The following PIP5K1B variants were observed in gnomAD, a reference collection of about 807,000 sequenced individuals.
The protein encoded by PIP5K1B is phosphatidylinositol 4-phosphate 5-kinase type-1 beta.
In PIP5K1B, 42 loss-of-function variants were observed where a neutral mutation model predicts 67.0. The observed-to-expected ratio is 0.63, with a 90% CI of 0.49 to 0.81. The LOEUF (loss-of-function observed/expected upper bound fraction) is 0.81, where lower values mean the gene tolerates loss of function less well. Ranked by LOEUF, PIP5K1B falls within the 30% of genes least tolerant of loss-of-function variation. PIP5K1B has a pLI of 0.00. For synonymous variants in PIP5K1B, 214 were observed against 231.4 expected (o/e 0.92, Z 0.68); for missense variants, 459 against 646.3 (o/e 0.71, Z 3.14).
intron 1 of PIP5K1B, among the ~76,000 whole-genome samples, chr9:68,730,231 A>G (rs1248154110): frequency 6.6e-6 from 1 of 152,234 alleles, no homozygotes; most frequent in Non-Finnish European, 1.5e-5. Context: ...TTGGCTGCAT[A>G]TGAATATGGC....
At chr9:68,851,605 C>T (rs1822485863) in intron 4 of PIP5K1B, among the ~76,000 whole-genome samples, 1 of 152,040 alleles carries the variant, frequency 6.6e-6, no homozygotes. Context: ...TGTGTAGAGG[C>T]ATGATTGGTA....
rs889490087 is a variant in PIP5K1B, at chr9:68,965,959, G to A, written c.1502+25169G>A. Among the ~76,000 whole-genome samples, 8 of 139,730 alleles carry A rather than the reference G, an allele frequency of 5.7e-5. No individual in the cohort carries two copies. In the Admixed American group the frequency reaches 5.8e-4, roughly 10 times the overall value. 91.7% of individuals were successfully genotyped at this position (139,730 alleles called of 152,430 possible). A position where few individuals can be genotyped will look rare whatever the true frequency, so the allele number is the denominator to read the frequency against. The stretch of plus-strand genomic sequence containing the variant: ...ACTGCACTCCAACCTGGGTGACAGA[G>A]TGAGACTCCATCTCAAAAAAAAAAA... On this transcript the variant is annotated intron_variant, in intron 14 of 15. Transcript: ENST00000265382.
intron 3 of PIP5K1B, among the ~76,000 whole-genome samples, chr9:68,820,718 T>C (rs1833691449): frequency 6.6e-6 from 1 of 152,186 alleles, no homozygotes; most frequent in African/African-American, 2.4e-5. Context: ...CAGTTTAAGG[T>C]AAGACCCTTA....
chr9:68,818,669 CTG>C, intron 3 of PIP5K1B, 124 bp downstream of exon 3: 1 of 152,042 alleles, frequency 6.6e-6, no homozygotes, highest in Non-Finnish European at 1.5e-5. Context: ...ACCTTTAACT[CTG>C]ACATCAAATT....
intron 4 of PIP5K1B, among the ~76,000 whole-genome samples, chr9:68,824,721 C>T (rs11143882): frequency 0.094 from 14,354 of 152,156 alleles, 853 homozygotes; most frequent in Non-Finnish European, 0.14. Flanking sequence ...GAAGGAATCG[C>T]TTAGAGAGAG....
chr9:68,790,040 G>A (rs1057307901), intron 2 of PIP5K1B, among the ~76,000 whole-genome samples: 2 of 151,852 alleles, frequency 1.3e-5, no homozygotes, highest in Non-Finnish European at 2.9e-5. Flanking sequence ...CATTCCTAGG[G>A]AAACAAAGAC....
chr9:68,921,882 A>G (rs1434878133), intron 11 of PIP5K1B, among the ~76,000 whole-genome samples: 1 of 152,128 alleles, frequency 6.6e-6, no homozygotes, highest in East Asian at 1.9e-4. Flanking sequence ...TAAAAAATAT[A>G]CCTATCATCT....
At chr9:68,714,250 C>CT (rs1827529247) in intron 1 of PIP5K1B, among the ~76,000 whole-genome samples, 1 of 152,194 alleles carries the variant, frequency 6.6e-6, no homozygotes, top group East Asian at 1.9e-4. Context: ...ATCTGATACT[C>CT]CTGCAAGGTT....
At chr9:68,731,855 G>A (rs1421364742) in intron 1 of PIP5K1B, among the ~76,000 whole-genome samples, 5 of 152,160 alleles carry the variant, frequency 3.3e-5, no homozygotes, top group Non-Finnish European at 7.4e-5. Flanking sequence ...ATAAAATGTT[G>A]TAATTATACT....
chr9:68,724,404 A>G (rs528242948), intron 1 of PIP5K1B, among the ~76,000 whole-genome samples: 1 of 151,380 alleles, frequency 6.6e-6, no homozygotes, highest in South Asian at 2.1e-4. Flanking sequence ...AGATTTTAGG[A>G]TTGTTTTTTC....
At chr9:68,890,648 A>G (rs1181633777) in intron 7 of PIP5K1B, among the ~76,000 whole-genome samples, 3 of 152,044 alleles carry the variant, frequency 2.0e-5, no homozygotes, top group Non-Finnish European at 2.9e-5. Flanking sequence ...AAATATTTCA[A>G]TACTGAGCAA....
chr9:68,779,971 G>A, intron 2 of PIP5K1B: 1 of 644,036 alleles, frequency 1.6e-6, no homozygotes, highest in Non-Finnish European at 2.4e-6. Context: ...CCACTGCCGC[G>A]CACATATTAC....
rs184086220 is a variant in PIP5K1B, at chr9:68,878,812, G to C, written c.318+2018G>C. ...CTCTTTGTTGGGGTGATGATTAGGA[G>C]GTCTTCTTATGAGCATGATGTGGTT... On this transcript the variant is annotated intron_variant, in intron 6 of 15. Transcript: ENST00000265382. 6.0e-3 allele frequency among the ~76,000 whole-genome samples: 918 copies of C among 152,302 alleles called. 12 individuals are homozygous for C. The highest frequency in any genetic ancestry group is 0.021 in the African/African-American group (880 of 41,560).
intron 6 of PIP5K1B, among the ~76,000 whole-genome samples, chr9:68,877,218 A>G (rs1248931930): frequency 2.0e-5 from 3 of 152,214 alleles, no homozygotes; most frequent in Non-Finnish European, 2.9e-5. Context: ...TAAACATTGT[A>G]AAGAATCTGG....
intron 14 of PIP5K1B, among the ~76,000 whole-genome samples, chr9:68,949,370 A>G (rs529294671): frequency 3.9e-5 from 6 of 152,310 alleles, no homozygotes; most frequent in Admixed American, 6.5e-5. Flanking sequence ...GCTCCTTAAG[A>G]AATTCTTACC....
intron 2 of PIP5K1B, among the ~76,000 whole-genome samples, chr9:68,786,742 T>A (rs1405385860): frequency 2.0e-5 from 3 of 152,122 alleles, no homozygotes; most frequent in East Asian, 1.9e-4. Context: ...TTAGGGGAAA[T>A]TTTTTGTTTT....
Position 68,822,370 on chromosome 9 carries a change from A to G in PIP5K1B, c.1-245A>G, listed in dbSNP as rs1833771631. On this transcript the variant is annotated intron_variant, in intron 3 of 15. Transcript: ENST00000265382. ...TAGAAAGAAACTTATACACATGTAC[A>G]TGCTTTCTTAGAGCATATGGGATAA... The G allele has an allele frequency of 8.2e-6, 3 of 367,488 alleles. No homozygotes were observed. In the South Asian group the frequency reaches 1.6e-4, roughly 20 times the overall value. 22.8% of individuals were successfully genotyped at this position (367,488 alleles called of 1,614,324 possible).
intron 8 of PIP5K1B, among the ~76,000 whole-genome samples, chr9:68,904,116 A>G (rs571359741): frequency 6.6e-6 from 1 of 152,332 alleles, no homozygotes; most frequent in South Asian, 2.1e-4. Context: ...CAGCTTCCGC[A>G]GGTCCACAGA....
chr9:68,963,005 C>T (rs965952167), intron 14 of PIP5K1B, among the ~76,000 whole-genome samples: 1 of 152,204 alleles, frequency 6.6e-6, no homozygotes, highest in African/African-American at 2.4e-5. Context: ...TGCCACCCTT[C>T]TTTTACTTTT....
Sources: allele counts gnomAD v4.1 joint callset (sites outside exome capture counted in the v4.1 genomes callset), GRCh38; gene constraint gnomAD v4.1.1; transcripts MANE v1.5; gene names NCBI Gene and HGNC (gene_info 2026-07-23, HGNC 2026-07-21).